KCNH7: variants seen among roughly 807,000 people sequenced by gnomAD.
The protein encoded by KCNH7 is potassium voltage-gated channel subfamily H member 7.
Under a neutral mutation model 120.8 loss-of-function variants are expected in KCNH7, and 49 were observed. The ratio of observed to expected loss-of-function variants is 0.41; its 90% CI spans 0.32 to 0.51. KCNH7 has a LOEUF of 0.51. Ranked by LOEUF, KCNH7 falls within the 20% of genes least tolerant of loss-of-function variation. The probability of loss-of-function intolerance (pLI) is 0.38; values close to 1 mark genes in which losing one functional copy is unlikely to be tolerated. For synonymous variants in KCNH7, 547 were observed against 516.1 expected (o/e 1.06, Z -0.81); for missense variants, 1,097 against 1,446.6 (o/e 0.76, Z 3.92).
intron 2 of KCNH7, among the ~76,000 whole-genome samples, chr2:162,679,096 G>T (rs796611570): frequency 1.3e-4 from 19 of 151,556 alleles, no homozygotes; most frequent in African/African-American, 4.1e-4. Flanking sequence ...ATGTTATCCT[G>T]GAATGTAAGA....
chr2:162,666,322 A>C (rs1685130993), intron 2 of KCNH7, among the ~76,000 whole-genome samples: 1 of 152,038 alleles, frequency 6.6e-6, no homozygotes, highest in African/African-American at 2.4e-5. Flanking sequence ...CATCTTCCAA[A>C]TATTCCAAAT....
At chr2:162,508,285 T>C (rs1690950523) in intron 5 of KCNH7, among the ~76,000 whole-genome samples, 1 of 151,242 alleles carries the variant, frequency 6.6e-6, no homozygotes, top group South Asian at 2.1e-4. Flanking sequence ...CTTCTCTTAT[T>C]TGCAGGTAGA....
chr2:162,537,167 G>T, intron 2 of KCNH7, 87 bp from the exon 3 acceptor site: 1 of 1,024,158 alleles, frequency 9.8e-7, no homozygotes, highest in Non-Finnish European at 1.4e-6. Flanking sequence ...ATACTCTTAA[G>T]GAAATTTGTA....
At chr2:162,451,450 T>C (rs1198089334) in intron 6 of KCNH7, among the ~76,000 whole-genome samples, 1 of 152,078 alleles carries the variant, frequency 6.6e-6, no homozygotes, top group East Asian at 1.9e-4. Flanking sequence ...AACCAAAACA[T>C]AGTGACCTAA....
intron 2 of KCNH7, chr2:162,796,133 A>G (rs1307837115): frequency 6.6e-6 from 1 of 152,142 alleles, no homozygotes; most frequent in East Asian, 1.9e-4. Flanking sequence ...ACAAAGAAAC[A>G]GCATGGAAAC....
intron 2 of KCNH7, among the ~76,000 whole-genome samples, chr2:162,675,178 C>CA (rs894937593): frequency 5.9e-5 from 9 of 151,350 alleles, no homozygotes; most frequent in Non-Finnish European, 1.3e-4. Flanking sequence ...ACAAAACAAA[C>CA]AAATGATATA....
At chr2:162,597,069 A>C (rs1249701002) in intron 2 of KCNH7, among the ~76,000 whole-genome samples, 1 of 152,142 alleles carries the variant, frequency 6.6e-6, no homozygotes, top group Admixed American at 6.6e-5. Flanking sequence ...GGATGTGGAC[A>C]AAAGTCCGAG....
intron 2 of KCNH7, among the ~76,000 whole-genome samples, chr2:162,629,526 C>G (rs1683686852): frequency 6.6e-6 from 1 of 152,102 alleles, no homozygotes; most frequent in Non-Finnish European, 1.5e-5. Context: ...TAGTGTTCTT[C>G]AAGTTCAGCT....
intron 6 of KCNH7, among the ~76,000 whole-genome samples, chr2:162,500,974 G>A (rs555521876): frequency 2.2e-4 from 34 of 152,220 alleles, no homozygotes; most frequent in Non-Finnish European, 3.1e-4. Context: ...AATGAAGTAT[G>A]TAATCCTATA....
At chr2:162,605,279 T>A (rs1363990360) in intron 2 of KCNH7, among the ~76,000 whole-genome samples, 1 of 152,124 alleles carries the variant, frequency 6.6e-6, no homozygotes, top group Non-Finnish European at 1.5e-5. Flanking sequence ...AAATTACTAC[T>A]AGGTTTCTTG....
At chr2:162,631,731 C>G (rs938470914) in intron 2 of KCNH7, among the ~76,000 whole-genome samples, 2 of 151,808 alleles carry the variant, frequency 1.3e-5, no homozygotes, top group African/African-American at 4.8e-5. Flanking sequence ...GATAATGAAT[C>G]ACAGAAAGAA....
At chr2:162,747,933 C>T (rs1182647283) in intron 2 of KCNH7, among the ~76,000 whole-genome samples, 2 of 152,160 alleles carry the variant, frequency 1.3e-5, no homozygotes, top group Non-Finnish European at 2.9e-5. Flanking sequence ...AATACTTATT[C>T]TGATTTTTTA....
intron 6 of KCNH7, among the ~76,000 whole-genome samples, chr2:162,494,912 A>C (rs1488162684): frequency 6.6e-6 from 1 of 152,180 alleles, no homozygotes; most frequent in East Asian, 1.9e-4. Flanking sequence ...TAATCATTTA[A>C]CTTTTTACTT....
chr2:162,738,060 T>A (rs1328816817), intron 2 of KCNH7, among the ~76,000 whole-genome samples: 4 of 124,752 alleles, frequency 3.2e-5, no homozygotes. Flanking sequence ...AGAGGAAGAC[T>A]TCATATCAAA....
intron 2 of KCNH7, among the ~76,000 whole-genome samples, chr2:162,644,091 C>A (rs1209292495): frequency 6.6e-6 from 1 of 151,886 alleles, no homozygotes; most frequent in African/African-American, 2.4e-5. Context: ...CCTACCCCCG[C>A]CCCCCACATC....
intron 6 of KCNH7, among the ~76,000 whole-genome samples, chr2:162,458,795 G>A (rs141008815): frequency 6.6e-6 from 1 of 152,014 alleles, no homozygotes; most frequent in African/African-American, 2.4e-5. Context: ...TCGGCAGGCA[G>A]TTAGAAGGTC....
chr2:162,450,893 C>CA (rs900415740), intron 6 of KCNH7, among the ~76,000 whole-genome samples: 3 of 151,738 alleles, frequency 2.0e-5, no homozygotes, highest in African/African-American at 7.3e-5. Flanking sequence ...AACCAGGTGG[C>CA]AGAAATTGAG....
chr2:162,435,061 C>T lies in KCNH7; in HGVS notation c.1954+137G>A, dbSNP rs1460080529. Reference sequence around the variant, plus strand: ...AGAGAGAATCAGATTTGATGGAATACAGTACCCATATATGTAATCCCATTA... The same window carrying T: ...AGAGAGAATCAGATTTGATGGAATATAGTACCCATATATGTAATCCCATTA... On this transcript the variant is annotated intron_variant, in intron 8 of 15. Transcript: ENST00000332142. 5.2e-6 allele frequency: 4 copies of T among 774,658 alleles called. No individual in the cohort carries two copies. In the South Asian group the frequency reaches 6.1e-5, roughly 12 times the overall value. 48.0% of individuals were successfully genotyped at this position (774,658 alleles called of 1,614,324 possible). A position where few individuals can be genotyped will look rare whatever the true frequency, so the allele number is the denominator to read the frequency against.
At chr2:162,813,144 G>A (rs1051513675) in intron 2 of KCNH7, among the ~76,000 whole-genome samples, 66 of 152,296 alleles carry the variant, frequency 4.3e-4, no homozygotes, top group African/African-American at 1.5e-3. Flanking sequence ...GAGACAGGAA[G>A]TTGGAAATGT....
Sources: gnomAD v4.1 joint callset for allele counts (sites outside exome capture counted in the v4.1 genomes callset) on GRCh38, gnomAD v4.1.1 for gene constraint, MANE v1.5 for transcripts, NCBI Gene and HGNC (gene_info 2026-07-23, HGNC 2026-07-21) for gene names.